Variants in ZNF469 observed in about 807,000 individuals in gnomAD.
ZNF469 encodes zinc finger protein 469.
ZNF469 carries 1 observed loss-of-function variant against 1.0 expected under a neutral mutation model. The ratio of observed to expected loss-of-function variants is 1.00; its 90% CI spans 0.35 to 4.73. The LOEUF is 4.73. ZNF469 is among the 30% of genes most tolerant of loss of function. The pLI is 0.16. For synonymous variants in ZNF469, 2,703 were observed against 2,363.4 expected, an observed-to-expected ratio of 1.14 and a Z score of -4.17; for missense variants, 6,100 against 5,356.3, an observed-to-expected ratio of 1.14 and a Z score of -4.33.
the ZNF469 span, among the ~76,000 whole-genome samples, chr16:88,305,685 TGCACACGC>T: frequency 1.3e-5 from 2 of 151,828 alleles, no homozygotes; most frequent in Non-Finnish European, 2.9e-5. Flanking sequence ...CATGCTCACA[TGCACACGC>T]ATGACCATAC....
At chr16:88,377,339 C>T in the ZNF469 span, among the ~76,000 whole-genome samples, 2 of 152,328 alleles carry the variant, frequency 1.3e-5, no homozygotes, top group South Asian at 2.1e-4. Flanking sequence ...CCCATGGGCC[C>T]GGTGGCTTCC....
chr16:88,347,683 T>A, the ZNF469 span, among the ~76,000 whole-genome samples: 3 of 152,182 alleles, frequency 2.0e-5, no homozygotes, highest in Non-Finnish European at 4.4e-5. Context: ...GCCAGTCTCC[T>A]CCAATCACAG....
chr16:88,108,157 C>G, the ZNF469 span, among the ~76,000 whole-genome samples: 4,794 of 116,264 alleles, frequency 0.041, 194 homozygotes, highest in East Asian at 0.29. Context: ...GGATGGGGGT[C>G]CACGTCTGTG....
At chr16:88,402,183 C>T (rs1170569230) in intron 1 of ZNF469, among the ~76,000 whole-genome samples, 1 of 147,574 alleles carries the variant, frequency 6.8e-6, no homozygotes, top group African/African-American at 2.6e-5. Context: ...GATGGGTGGG[C>T]GAATGGATGG....
chr16:88,402,790 T>A (rs999174188), intron 1 of ZNF469, among the ~76,000 whole-genome samples: 1 of 152,102 alleles, frequency 6.6e-6, no homozygotes, highest in South Asian at 2.1e-4. Context: ...TGGGTTCATC[T>A]CCCACTGAAC....
chr16:88,173,499 A>C, the ZNF469 span, among the ~76,000 whole-genome samples: 9 of 152,212 alleles, frequency 5.9e-5, no homozygotes, highest in Non-Finnish European at 1.2e-4. Flanking sequence ...ACATTTCTTT[A>C]TTTTTCTTCT....
chr16:88,381,226 T>TCA (rs576084840), upstream of ZNF469, among the ~76,000 whole-genome samples: 3 of 81,298 alleles, frequency 3.7e-5, no homozygotes, highest in Admixed American at 2.6e-4. Flanking sequence ...AGACATGCAC[T>TCA]CACACACGCA....
the ZNF469 span, among the ~76,000 whole-genome samples, chr16:88,364,609 T>C: frequency 6.6e-6 from 1 of 151,938 alleles, no homozygotes; most frequent in African/African-American, 2.4e-5. Context: ...TCCATGAATA[T>C]GGCCCCACAC....
At chr16:88,380,648 TACAC>T (rs148502398), upstream of ZNF469, among the ~76,000 whole-genome samples, 11 of 90,612 alleles carry the variant, frequency 1.2e-4, no homozygotes, top group East Asian at 8.7e-4. Context: ...CATGCACTCA[TACAC>T]ACACAGACAC....
chr16:88,335,404 G>A, the ZNF469 span, among the ~76,000 whole-genome samples: 1 of 152,246 alleles, frequency 6.6e-6, no homozygotes. Context: ...AGCTGGGCTG[G>A]TCAAAAACTT....
the ZNF469 span, among the ~76,000 whole-genome samples, chr16:88,171,873 G>A: frequency 6.6e-6 from 1 of 152,186 alleles, no homozygotes; most frequent in African/African-American, 2.4e-5. Context: ...CTGCTATTTG[G>A]ACATCTGGTT....
chr16:88,136,266 C>T, the ZNF469 span, among the ~76,000 whole-genome samples: 2 of 152,190 alleles, frequency 1.3e-5, no homozygotes, highest in Non-Finnish European at 2.9e-5. Context: ...GGCCCCTGCC[C>T]TCCTCCTCCT....
At chr16:88,423,173 T>TA (rs1337061989) in intron 1 of ZNF469, among the ~76,000 whole-genome samples, 11 of 11,180 alleles carry the variant, frequency 9.8e-4, no homozygotes, top group Non-Finnish European at 1.7e-3. Flanking sequence ...GATGGGTGGG[T>TA]GATGGATGGG....
In ZNF469 at chr16:88,430,336, A is replaced by G. The variant is rs1214759609; in HGVS notation, c.2866A>G (p.Lys956Glu). ...GGGGAAGCAGTTGAAGCTGTTCCGG[A>G]AGGATCTGGACTCGGGCGGCGCAGC... ...RRGKQLKLFR[K>E]DLDSGGAAEG... Residue 956 changes from lysine (K) to glutamate (E), a missense_variant, in exon 3 of 3, where the codon AAG becomes GAG. Transcript: ENST00000565624. 2.0e-6 allele frequency: 3 copies of G among 1,514,722 alleles called. No individual in the cohort carries two copies. The highest frequency in any genetic ancestry group is 4.1e-5 in the Admixed American group (2 of 48,326). 93.8% of individuals were successfully genotyped at this position (1,514,722 alleles called of 1,614,324 possible).
At chr16:88,405,282 C>T (rs1280184195) in intron 1 of ZNF469, among the ~76,000 whole-genome samples, 1 of 140,278 alleles carries the variant, frequency 7.1e-6, no homozygotes, top group African/African-American at 2.7e-5. Context: ...GGCTGGCACA[C>T]GGGTAGCCCC....
chr16:88,384,454 G>T (rs1179534503), intron 1 of ZNF469, among the ~76,000 whole-genome samples: 2 of 152,224 alleles, frequency 1.3e-5, no homozygotes, highest in Non-Finnish European at 2.9e-5. Flanking sequence ...TGAGCAGGGA[G>T]CTCGGAAGCT....
intron 1 of ZNF469, among the ~76,000 whole-genome samples, chr16:88,414,884 G>A (rs977271684): frequency 6.6e-6 from 1 of 152,244 alleles, no homozygotes; most frequent in Non-Finnish European, 1.5e-5. Context: ...TTAGGGCGGG[G>A]CAGAGGGGAG....
At chr16:88,185,552 C>T in the ZNF469 span, among the ~76,000 whole-genome samples, 1 of 152,134 alleles carries the variant, frequency 6.6e-6, no homozygotes, top group African/African-American at 2.4e-5. Context: ...CTCACATTCG[C>T]ACTCACACAC....
chr16:88,237,740 G>T, the ZNF469 span, among the ~76,000 whole-genome samples: 99 of 47,414 alleles, frequency 2.1e-3, no homozygotes, highest in Admixed American at 5.7e-3. Flanking sequence ...CTCCTGCCAC[G>T]CACCCTCCCT....
Sources: allele counts gnomAD v4.1 joint callset (sites outside exome capture counted in the v4.1 genomes callset), GRCh38; gene constraint gnomAD v4.1.1; transcripts MANE v1.5; gene names NCBI Gene and HGNC (gene_info 2026-07-23, HGNC 2026-07-21).